VDAC1: variants seen among roughly 807,000 people sequenced by gnomAD.
VDAC1 encodes the protein voltage dependent anion channel 1.
Under a neutral mutation model 34.7 loss-of-function variants are expected in VDAC1, and 10 were observed. The observed-to-expected ratio is 0.29, with a 90% CI of 0.18 to 0.49. The LOEUF (loss-of-function observed/expected upper bound fraction) is 0.49, where lower values mean the gene tolerates loss of function less well. Among genes scored for constraint, VDAC1 ranks in the 20% least tolerant of loss-of-function variants. The pLI is 0.99. For missense variants in VDAC1, 230 were observed against 347.9 expected (o/e 0.66, Z 2.69); for synonymous variants, 130 against 136.0 (o/e 0.96, Z 0.30).
chr5:134,009,078 T>C (rs1753794843), upstream of VDAC1, among the ~76,000 whole-genome samples: 1 of 152,044 alleles, frequency 6.6e-6, no homozygotes, highest in Admixed American at 6.6e-5. Flanking sequence ...AATATTCTCC[T>C]GCATATCCCA....
chr5:133,988,248 A>ATT (rs1014077608), intron 5 of VDAC1, among the ~76,000 whole-genome samples: 3 of 151,990 alleles, frequency 2.0e-5, no homozygotes, highest in African/African-American at 7.2e-5. Context: ...TTTTTGCCAC[A>ATT]TTTTTTTCTA....
chr5:134,044,705 C>A, the VDAC1 span, among the ~76,000 whole-genome samples: 1 of 152,114 alleles, frequency 6.6e-6, no homozygotes, highest in African/African-American at 2.4e-5. Flanking sequence ...GGGTATGCAT[C>A]TAGGTATAGA....
the VDAC1 span, among the ~76,000 whole-genome samples, chr5:134,106,665 C>A: frequency 6.6e-6 from 1 of 152,164 alleles, no homozygotes; most frequent in Non-Finnish European, 1.5e-5. Flanking sequence ...CTCAGCCTCA[C>A]AAAGTGCTGG....
chr5:134,106,590 T>C, the VDAC1 span, among the ~76,000 whole-genome samples: 1 of 152,020 alleles, frequency 6.6e-6, no homozygotes, highest in Non-Finnish European at 1.5e-5. Context: ...GTATTTTTAG[T>C]AGAGATGGAG....
chr5:133,987,021 G>A (rs972164173), intron 5 of VDAC1, among the ~76,000 whole-genome samples: 17 of 152,150 alleles, frequency 1.1e-4, no homozygotes, highest in African/African-American at 2.9e-4. Context: ...TCTTCCTTAC[G>A]GTAGAATACC....
At chr5:134,066,913 T>C in the VDAC1 span, among the ~76,000 whole-genome samples, 2 of 152,176 alleles carry the variant, frequency 1.3e-5, no homozygotes, top group African/African-American at 4.8e-5. Context: ...TAAATCTGCT[T>C]GGCAAAAAAT....
At chr5:134,037,781 G>A in the VDAC1 span, among the ~76,000 whole-genome samples, 1 of 152,128 alleles carries the variant, frequency 6.6e-6, no homozygotes, top group Non-Finnish European at 1.5e-5. Flanking sequence ...GCCTGATGAT[G>A]TCCTGCAATA....
chr5:134,055,588 GTT>G, the VDAC1 span, among the ~76,000 whole-genome samples: 26 of 59,610 alleles, frequency 4.4e-4, no homozygotes, highest in African/African-American at 1.2e-3. Context: ...CCCCGCTAAT[GTT>G]TTTTTTTTTT....
the VDAC1 span, among the ~76,000 whole-genome samples, chr5:134,071,816 C>T: frequency 3.3e-5 from 5 of 152,180 alleles, no homozygotes; most frequent in Admixed American, 3.3e-4. The surrounding 1 kb of genome is among the most constrained non-coding windows in gnomAD (Gnocchi z 4.1). Context: ...CCCTTGTGGG[C>T]GGACCTGGGG....
intron 1 of VDAC1, among the ~76,000 whole-genome samples, chr5:133,995,095 T>A (rs1753248166): frequency 6.6e-6 from 1 of 152,162 alleles, no homozygotes; most frequent in African/African-American, 2.4e-5. Flanking sequence ...CACAGCCACC[T>A]GTCAAAAAAC....
chr5:134,111,080 G>C, the VDAC1 span, among the ~76,000 whole-genome samples: 2 of 152,326 alleles, frequency 1.3e-5, no homozygotes, highest in East Asian at 3.9e-4. Context: ...CACTCCAACA[G>C]AGCAGGGCAG....
chr5:134,078,500 G>A, the VDAC1 span, among the ~76,000 whole-genome samples: 5,935 of 152,220 alleles, frequency 0.039, 397 homozygotes, highest in African/African-American at 0.14. Flanking sequence ...TTCACAGAAT[G>A]AGCAAAGAGA....
At chr5:134,032,124 C>CAAAAAAAAAA in the VDAC1 span, among the ~76,000 whole-genome samples, 239 of 36,110 alleles carry the variant, frequency 6.6e-3, 42 homozygotes, top group African/African-American at 0.02. Context: ...CTCTGCCTCA[C>CAAAAAAAAAA]AAAAAAAAAA....
the VDAC1 span, among the ~76,000 whole-genome samples, chr5:134,085,196 G>A: frequency 6.6e-6 from 1 of 151,912 alleles, no homozygotes; most frequent in Non-Finnish European, 1.5e-5. Flanking sequence ...AGCCTCCCGA[G>A]TAGCTGGGAC....
the VDAC1 span, among the ~76,000 whole-genome samples, chr5:134,096,971 C>T: frequency 2.6e-5 from 4 of 152,248 alleles, no homozygotes; most frequent in Non-Finnish European, 4.4e-5. Flanking sequence ...CTGGGGAAGC[C>T]GTGGATTTCC....
rs1580703362 is a variant in VDAC1, at chr5:133,972,236, C to T, written c.*535G>A. 5.5e-6 allele frequency: 1 copy of T among 181,436 alleles called. No individual in the cohort carries two copies. Among genetic ancestry groups the T allele is most frequent in the Non-Finnish European group, 1.1e-5 (1 of 87,530 alleles). The allele number at this position is 181,436 out of a possible 1,614,324, so 11.2% of individuals were successfully genotyped here. On this transcript the variant is annotated 3_prime_UTR_variant, in exon 9 of 9. Coordinates refer to ENST00000265333, the MANE Select transcript of VDAC1 (RefSeq NM_003374.3). Reference sequence around the variant, plus strand: ...TTGGCTTCATCACATCCACCTTCTCCACCCCAAAATGGCACAAAAGAAACA... The same window carrying T: ...TTGGCTTCATCACATCCACCTTCTCTACCCCAAAATGGCACAAAAGAAACA...
intron 1 of VDAC1, 143 bp from the exon 2 acceptor site, chr5:133,993,161 G>T (rs1753169410): frequency 2.5e-6 from 2 of 814,032 alleles, no homozygotes; most frequent in Admixed American, 2.7e-5. Context: ...TCCCAGATGG[G>T]CCAAGAAGCC....
At chr5:134,038,841 G>C in the VDAC1 span, among the ~76,000 whole-genome samples, 3 of 151,904 alleles carry the variant, frequency 2.0e-5, no homozygotes, top group Non-Finnish European at 2.9e-5. Context: ...GTAAGCCAAG[G>C]TGTGTTTATA....
the VDAC1 span, among the ~76,000 whole-genome samples, chr5:134,060,771 TATC>T: frequency 1.3e-5 from 2 of 151,552 alleles, no homozygotes; most frequent in Admixed American, 6.6e-5. Flanking sequence ...ATGTTGCACA[TATC>T]ATTCTATATG....
Sources: gnomAD v4.1 joint callset for allele counts (sites outside exome capture counted in the v4.1 genomes callset) on GRCh38, gnomAD v4.1.1 for gene constraint, Gnocchi (gnomAD v3.1) non-coding constraint, MANE v1.5 for transcripts, NCBI Gene and HGNC (gene_info 2026-07-23, HGNC 2026-07-21) for gene names.